The following LDB2 variants were observed in gnomAD, a reference collection of about 807,000 sequenced individuals.
The protein encoded by LDB2 is LIM domain binding 2, also known as LIM domain-binding protein 2.
LDB2 carries 12 observed loss-of-function variants against 44.3 expected under a neutral mutation model. The observed-to-expected ratio is 0.27, with a 90% CI of 0.17 to 0.44. LDB2 has a LOEUF of 0.44. LDB2 is among the 20% of genes least tolerant of loss of function. The pLI, the probability that LDB2 is intolerant of heterozygous loss-of-function variation, is 1.00. For synonymous variants in LDB2, 164 were observed against 174.8 expected, an observed-to-expected ratio of 0.94 and a Z score of 0.49; for missense variants, 344 against 473.5, an observed-to-expected ratio of 0.73 and a Z score of 2.54.
chr4:16,597,738 A>G (rs1429300847), intron 2 of LDB2, among the ~76,000 whole-genome samples: 4 of 152,190 alleles, frequency 2.6e-5, no homozygotes, highest in Non-Finnish European at 4.4e-5. Context: ...AATCCTGCAC[A>G]AGTTAATTCC....
chr4:16,703,341 G>A (rs1367674461), intron 2 of LDB2, among the ~76,000 whole-genome samples: 1 of 152,234 alleles, frequency 6.6e-6, no homozygotes, highest in Non-Finnish European at 1.5e-5. Flanking sequence ...CCAGGTAGAA[G>A]AAATTATGCA....
At chr4:16,808,452 A>G (rs1045876544) in intron 1 of LDB2, among the ~76,000 whole-genome samples, 1 of 152,298 alleles carries the variant, frequency 6.6e-6, no homozygotes, top group East Asian at 1.9e-4. Flanking sequence ...AGTTTAGTGC[A>G]GTTGACTCCT....
chr4:16,817,441 T>A (rs1781152595), intron 1 of LDB2, among the ~76,000 whole-genome samples: 1 of 152,184 alleles, frequency 6.6e-6, no homozygotes, highest in African/African-American at 2.4e-5. Flanking sequence ...TACAATTTTT[T>A]ATCTCTTTTA....
At chr4:16,789,613 G>A (rs1406042450) in intron 1 of LDB2, among the ~76,000 whole-genome samples, 1 of 152,140 alleles carries the variant, frequency 6.6e-6, no homozygotes, top group Non-Finnish European at 1.5e-5. Context: ...GACACTCACC[G>A]AATATTTCAT....
intron 2 of LDB2, among the ~76,000 whole-genome samples, chr4:16,655,440 G>A (rs993331458): frequency 5.3e-5 from 8 of 152,196 alleles, no homozygotes; most frequent in African/African-American, 1.9e-4. Context: ...CATGGGTGTA[G>A]ATGAGTGCAG....
rs1315288524 is a variant in LDB2, at chr4:16,659,671, G to GTGTGTATATATATATATATATATATATA, written c.236-63797_236-63796insTATATATATATATATATATATATACACA. Among the ~76,000 whole-genome samples, 316 of 133,216 alleles carry GTGTGTATATATATATATATATATATATA rather than the reference G, an allele frequency of 2.4e-3. 4 individuals are homozygous for GTGTGTATATATATATATATATATATATA. The highest frequency in any genetic ancestry group is 8.7e-3 in the African/African-American group (284 of 32,826). 87.4% of individuals were successfully genotyped at this position (133,216 alleles called of 152,430 possible). A position where few individuals can be genotyped will look rare whatever the true frequency, so the allele number is the denominator to read the frequency against. On this transcript the variant is annotated intron_variant, in intron 2 of 7. Coordinates refer to ENST00000304523, the MANE Select transcript of LDB2 (RefSeq NM_001290.5). ...CACACATATGAGTATATCTATGTGT[G>GTGTGTATATATATATATATATATATATA]TATATATATATATATATATATGTAT...
chr4:16,844,689 T>C (rs1786606716), intron 1 of LDB2, among the ~76,000 whole-genome samples: 1 of 152,222 alleles, frequency 6.6e-6, no homozygotes, highest in African/African-American at 2.4e-5. Context: ...GTTTTGTTTT[T>C]GTTTTTTTGT....
chr4:16,792,243 T>C (rs928702589), intron 1 of LDB2, among the ~76,000 whole-genome samples: 1 of 152,216 alleles, frequency 6.6e-6, no homozygotes, highest in African/African-American at 2.4e-5. Flanking sequence ...CATATTTTAG[T>C]CTGGACAACA....
intron 2 of LDB2, among the ~76,000 whole-genome samples, chr4:16,749,486 A>C (rs1228884992): frequency 7.0e-6 from 1 of 142,956 alleles, no homozygotes; most frequent in East Asian, 2.1e-4. Context: ...TGAACCTGGG[A>C]GGTGGAGGTT....
chr4:16,734,822 C>A (rs1289828651), intron 2 of LDB2, among the ~76,000 whole-genome samples: 3 of 151,740 alleles, frequency 2.0e-5, no homozygotes, highest in Non-Finnish European at 4.4e-5. Context: ...GATTCTCCTG[C>A]CTCAGCCTCC....
chr4:16,689,493 G>C (rs192505194), intron 2 of LDB2, among the ~76,000 whole-genome samples: 1 of 152,288 alleles, frequency 6.6e-6, no homozygotes, highest in East Asian at 1.9e-4. Flanking sequence ...GCTTTTCAAA[G>C]ATAAGCTCTA....
intron 2 of LDB2, among the ~76,000 whole-genome samples, chr4:16,639,009 C>A (rs1484581624): frequency 6.6e-6 from 1 of 152,026 alleles, no homozygotes; most frequent in Non-Finnish European, 1.5e-5. Context: ...CCTGATGTTG[C>A]AAAAAGAGTA....
intron 2 of LDB2, among the ~76,000 whole-genome samples, chr4:16,736,688 C>A (rs562782486): frequency 4.5e-4 from 68 of 152,268 alleles, no homozygotes; most frequent in Admixed American, 8.5e-4. Flanking sequence ...CTATATCATA[C>A]CTTCAAATTC....
chr4:16,840,288 G>A (rs1785637249), intron 1 of LDB2, among the ~76,000 whole-genome samples: 1 of 152,128 alleles, frequency 6.6e-6, no homozygotes, highest in Non-Finnish European at 1.5e-5. Context: ...AAATGACTTT[G>A]AGTGACAAAT....
At chr4:16,693,708 C>T (rs1751424769) in intron 2 of LDB2, among the ~76,000 whole-genome samples, 1 of 152,188 alleles carries the variant, frequency 6.6e-6, no homozygotes, top group South Asian at 2.1e-4. Context: ...CACAGTGATG[C>T]AGAGGCCAAG....
intron 1 of LDB2, among the ~76,000 whole-genome samples, chr4:16,877,329 A>C (rs1408750634): frequency 6.6e-6 from 1 of 152,184 alleles, no homozygotes; most frequent in Non-Finnish European, 1.5e-5. Flanking sequence ...TGTGGAATAA[A>C]CACATGCTTT....
At chr4:16,764,238 G>A (rs1009294640) in intron 1 of LDB2, among the ~76,000 whole-genome samples, 12 of 152,134 alleles carry the variant, frequency 7.9e-5, no homozygotes, top group African/African-American at 2.4e-4. Context: ...CCAACCTTTC[G>A]GAGTTCATAC....
chr4:16,759,864 G>T (rs925236724), intron 1 of LDB2, among the ~76,000 whole-genome samples: 3 of 152,186 alleles, frequency 2.0e-5, no homozygotes, highest in Non-Finnish European at 2.9e-5. Context: ...CTAGCTTGTT[G>T]TTAAAAAGAG....
intron 5 of LDB2, among the ~76,000 whole-genome samples, chr4:16,566,643 G>T (rs1329115972): frequency 6.6e-6 from 1 of 152,010 alleles, no homozygotes; most frequent in East Asian, 1.9e-4. Flanking sequence ...ACATAAACCA[G>T]ATGACATAGG....
Sources: allele counts gnomAD v4.1 joint callset (sites outside exome capture counted in the v4.1 genomes callset), GRCh38; gene constraint gnomAD v4.1.1; transcripts MANE v1.5; gene names NCBI Gene and HGNC (gene_info 2026-07-23, HGNC 2026-07-21).